Variants in NR6A1 observed in about 807,000 individuals in gnomAD.
The protein encoded by NR6A1 is retinoic acid receptor-related testis-associated receptor.
A neutral mutation model predicts 59.1 loss-of-function variants in NR6A1; 7 were observed. That is an observed-to-expected ratio of 0.12 (90% CI 0.07 to 0.22). The LOEUF (loss-of-function observed/expected upper bound fraction) is 0.22, where lower values mean the gene tolerates loss of function less well. Among genes scored for constraint, NR6A1 ranks in the 10% least tolerant of loss-of-function variants. NR6A1 has a pLI of 1.00. For synonymous variants in NR6A1, 243 were observed against 236.1 expected (o/e 1.03, Z -0.27); for missense variants, 468 against 611.6 (o/e 0.77, Z 2.48).
chr9:124,751,625 T>A lies in NR6A1; in HGVS notation c.101-18276A>T, dbSNP rs573077207. 8.5e-5 allele frequency among the ~76,000 whole-genome samples: 13 copies of A among 152,180 alleles called. No homozygotes were observed. In the South Asian group the frequency reaches 1.2e-3, roughly 15 times the overall value. ...TTACTAAAATATCAATTAAACCAAG[T>A]GGGGTGTGCCATACACTACATGAGT... On this transcript the variant is annotated intron_variant, in intron 1 of 9. Coordinates refer to ENST00000487099, the MANE Select transcript of NR6A1 (RefSeq NM_033334.4).
intron 1 of NR6A1, among the ~76,000 whole-genome samples, chr9:124,759,486 T>C (rs887801052): frequency 2.3e-4 from 35 of 152,336 alleles, no homozygotes; most frequent in African/African-American, 7.5e-4. Flanking sequence ...GAAAAGCACA[T>C]TCCTTTCCCT....
intron 2 of NR6A1, among the ~76,000 whole-genome samples, chr9:124,614,602 C>T (rs1039704130): frequency 3.3e-5 from 5 of 152,220 alleles, no homozygotes; most frequent in South Asian, 4.1e-4. Context: ...GCAACTCCAA[C>T]GGGTTGAGAG....
intron 2 of NR6A1, among the ~76,000 whole-genome samples, chr9:124,646,519 G>A (rs750813215): frequency 6.6e-5 from 10 of 152,136 alleles, no homozygotes; most frequent in Non-Finnish European, 1.0e-4. Flanking sequence ...GGAATATAAT[G>A]AATGAATAAG....
At chr9:124,692,841 T>C (rs1351979128) in intron 2 of NR6A1, among the ~76,000 whole-genome samples, 1 of 152,188 alleles carries the variant, frequency 6.6e-6, no homozygotes, top group Non-Finnish European at 1.5e-5. Context: ...CAAGTAAAAA[T>C]TTATTAAAAA....
At chr9:124,718,802 CCTTTTT>C (rs1377266355) in intron 2 of NR6A1, among the ~76,000 whole-genome samples, 2 of 112,246 alleles carry the variant, frequency 1.8e-5, no homozygotes, top group African/African-American at 3.1e-5. Flanking sequence ...TAAATTGTTA[CCTTTTT>C]TTTTTTTTTT....
chr9:124,658,294 G>C (rs765143916), intron 2 of NR6A1, among the ~76,000 whole-genome samples: 1 of 152,010 alleles, frequency 6.6e-6, no homozygotes, highest in Non-Finnish European at 1.5e-5. Flanking sequence ...ACATTTCACC[G>C]ATCAGGGCAC....
In NR6A1 at chr9:124,685,314, G is replaced by A. The variant is rs1013324413; in HGVS notation, c.142+47994C>T. On this transcript the variant is annotated intron_variant, in intron 2 of 9. Transcript: ENST00000487099. ...CTTTTAGCAGGCTACATTTCCCATC[G>A]CTACCACTTTTTCTGGGAGGAGTTG... Among the ~76,000 whole-genome samples, 9 of 152,224 alleles carry A rather than the reference G, an allele frequency of 5.9e-5. No individual in the cohort carries two copies. The South Asian group carries it at 1.2e-3, about 21-fold the overall frequency.
rs115001092 is a variant in NR6A1, at chr9:124,684,830, C to A, written c.142+48478G>T. Among the ~76,000 whole-genome samples, 195 of 152,256 alleles carry A rather than the reference C, an allele frequency of 1.3e-3. 1 individual carries two copies. The highest frequency in any genetic ancestry group is 4.4e-3 in the African/African-American group (182 of 41,532). On this transcript the variant is annotated intron_variant, in intron 2 of 9. Coordinates refer to ENST00000487099, the MANE Select transcript of NR6A1 (RefSeq NM_033334.4). ...ACCCAACACCACTCAGTACTGCTTA[C>A]TTAGTTAAATGCTTCAGGAAAGCCT...
intron 1 of NR6A1, among the ~76,000 whole-genome samples, chr9:124,765,153 C>T (rs1038500546): frequency 4.6e-5 from 7 of 152,052 alleles, no homozygotes; most frequent in African/African-American, 1.4e-4. Context: ...TAGTATAAGA[C>T]GTAAGAATCC....
At chr9:124,661,650 T>A (rs572824492) in intron 2 of NR6A1, among the ~76,000 whole-genome samples, 2 of 152,230 alleles carry the variant, frequency 1.3e-5, no homozygotes, top group African/African-American at 4.8e-5. Context: ...GTAAACATAA[T>A]AGCAACCTTT....
intron 2 of NR6A1, among the ~76,000 whole-genome samples, chr9:124,730,090 G>A (rs1285382384): frequency 1.3e-5 from 2 of 152,166 alleles, no homozygotes; most frequent in Non-Finnish European, 2.9e-5. Flanking sequence ...TGGGATTACA[G>A]GCGTGAGCCA....
chr9:124,549,276 G>A (rs545573790), intron 3 of NR6A1, among the ~76,000 whole-genome samples: 1 of 152,294 alleles, frequency 6.6e-6, no homozygotes, highest in Non-Finnish European at 1.5e-5. Context: ...AACCACATGT[G>A]CAAAACAGGA....
intron 2 of NR6A1, among the ~76,000 whole-genome samples, chr9:124,572,998 C>T (rs1834485720): frequency 6.6e-6 from 1 of 152,170 alleles, no homozygotes; most frequent in African/African-American, 2.4e-5. Context: ...ATGGTCTTTG[C>T]AATTTACTTG....
At chr9:124,547,265 A>G (rs779937375) in intron 3 of NR6A1, among the ~76,000 whole-genome samples, 5 of 152,148 alleles carry the variant, frequency 3.3e-5, no homozygotes, top group Non-Finnish European at 7.4e-5. Flanking sequence ...AAACCCAGAA[A>G]CCATAAATAA....
At chr9:124,525,677 ATCTC>A (rs71980445) in intron 8 of NR6A1, among the ~76,000 whole-genome samples, 92 of 149,228 alleles carry the variant, frequency 6.2e-4, no homozygotes, top group Middle Eastern at 7.0e-3. Flanking sequence ...TTCTAAATAG[ATCTC>A]TCTCTCTCTC....
At chr9:124,733,409 A>T in intron 1 of NR6A1, 60 bp from the exon 2 acceptor site, 1 of 1,257,360 alleles carries the variant, frequency 8.0e-7, no homozygotes. Context: ...AGCTGACTCC[A>T]AATATGAAGT....
At chr9:124,539,889 C>G in intron 5 of NR6A1, 144 bp downstream of exon 5, 1 of 918,656 alleles carries the variant, frequency 1.1e-6, no homozygotes, top group Non-Finnish European at 1.6e-6. Flanking sequence ...TTTAATCTTC[C>G]TGACCCCTAC....
intron 2 of NR6A1, among the ~76,000 whole-genome samples, chr9:124,581,969 T>C (rs1834785309): frequency 6.6e-6 from 1 of 152,176 alleles, no homozygotes. Context: ...TTTTATACTT[T>C]TGGTGAGAGT....
intron 7 of NR6A1, among the ~76,000 whole-genome samples, chr9:124,531,322 C>G (rs189408371): frequency 6.6e-6 from 1 of 152,184 alleles, no homozygotes; most frequent in Admixed American, 6.5e-5. Context: ...CAAATTCACC[C>G]GGTTCACTGT....
Sources: gnomAD v4.1 joint callset for allele counts (sites outside exome capture counted in the v4.1 genomes callset) on GRCh38, gnomAD v4.1.1 for gene constraint, MANE v1.5 for transcripts, NCBI Gene and HGNC (gene_info 2026-07-23, HGNC 2026-07-21) for gene names.